The following PARP8 variants were observed in gnomAD, a reference collection of about 807,000 sequenced individuals.
The protein encoded by PARP8 is protein mono-ADP-ribosyltransferase PARP8.
A neutral mutation model predicts 124.1 loss-of-function variants in PARP8; 51 were observed. The ratio of observed to expected loss-of-function variants is 0.41; its 90% CI spans 0.33 to 0.52. The LOEUF (loss-of-function observed/expected upper bound fraction) is 0.52, where lower values mean the gene tolerates loss of function less well. Among genes scored for constraint, PARP8 ranks in the 20% least tolerant of loss-of-function variants. PARP8 has a pLI of 0.21. For synonymous variants in PARP8, 391 were observed against 361.5 expected, an observed-to-expected ratio of 1.08 and a Z score of -0.93; for missense variants, 860 against 1,018.9, an observed-to-expected ratio of 0.84 and a Z score of 2.12.
At chr5:50,696,046 T>A (rs1362427190) in intron 2 of PARP8, among the ~76,000 whole-genome samples, 2 of 152,198 alleles carry the variant, frequency 1.3e-5, no homozygotes, top group Non-Finnish European at 2.9e-5. Context: ...CATAATTTAA[T>A]GCTTATAAAG....
At position 50,828,376 on chromosome 5, in the gene PARP8, C is replaced by A. The variant is rs765342250; in HGVS notation, c.2155C>A (p.Arg719=). ...TGGTCTGGTTGTTGCTTCTAATACACGATTGCAGGTAGATTTTCTGAATGC... is the reference window on the plus strand; with the variant it reads ...TGGTCTGGTTGTTGCTTCTAATACAAGATTGCAGGTAGATTTTCTGAATGC... ...RNGLVVASNT[R]LQLHGAMYGS... is the part of the protein sequence containing the mutation. The change falls in exon 21 of 26, where the codon CGA becomes AGA. Residue 719 remains arginine, a synonymous_variant. Transcript: ENST00000281631. 6.2e-7 allele frequency: 1 copy of A among 1,611,758 alleles called. No homozygotes were observed. The highest frequency in any genetic ancestry group is 1.1e-5 in the South Asian group (1 of 91,014).
chr5:50,842,757 G>T lies in PARP8; in HGVS notation c.*689G>T, dbSNP rs1051610327. On this transcript the variant is annotated 3_prime_UTR_variant, in exon 26 of 26. Transcript: ENST00000281631. ...TTTAATGGAAAGAAGATAATATTTA[G>T]TAAGCAATAAATTTGGACATAAATC... is the stretch of plus-strand genomic sequence containing the variant. 14 of 151,590 alleles carry T rather than the reference G, an allele frequency of 9.2e-5. No homozygotes were observed. Among genetic ancestry groups the T allele is most frequent in the African/African-American group, 3.4e-4 (14 of 41,330 alleles). The allele number at this position is 151,590 out of a possible 1,614,324, so 9.4% of individuals were successfully genotyped here. A position where few individuals can be genotyped will look rare whatever the true frequency, so the allele number is the denominator to read the frequency against.
intron 21 of PARP8, among the ~76,000 whole-genome samples, chr5:50,829,633 C>G (rs1412626979): frequency 6.6e-6 from 1 of 152,038 alleles, no homozygotes; most frequent in Non-Finnish European, 1.5e-5. Flanking sequence ...AAAATAAAGG[C>G]CTACTAGTGT....
At chr5:50,689,606 A>G (rs1752270867) in intron 2 of PARP8, among the ~76,000 whole-genome samples, 1 of 152,214 alleles carries the variant, frequency 6.6e-6, no homozygotes, top group Non-Finnish European at 1.5e-5. Flanking sequence ...TTAGTCATGT[A>G]TACCTGACTG....
intron 2 of PARP8, among the ~76,000 whole-genome samples, chr5:50,710,656 A>T (rs1376124325): frequency 2.6e-5 from 4 of 152,068 alleles, no homozygotes; most frequent in Non-Finnish European, 5.9e-5. Flanking sequence ...AGAAATAAGG[A>T]TCAGCTTGTT....
intron 2 of PARP8, chr5:50,738,924 C>G (rs1420697459): frequency 1.4e-6 from 1 of 699,204 alleles, no homozygotes; most frequent in African/African-American, 1.8e-5. Context: ...TAGTTTACAT[C>G]AGGGCTCTGC....
intron 2 of PARP8, among the ~76,000 whole-genome samples, chr5:50,698,521 T>C (rs1753263923): frequency 6.6e-6 from 1 of 152,182 alleles, no homozygotes; most frequent in Non-Finnish European, 1.5e-5. Flanking sequence ...TATAAAGCCA[T>C]AACTTATACC....
At chr5:50,724,067 C>T (rs1160732012) in intron 2 of PARP8, among the ~76,000 whole-genome samples, 1 of 151,992 alleles carries the variant, frequency 6.6e-6, no homozygotes, top group Non-Finnish European at 1.5e-5. Context: ...AGTGGTCCAC[C>T]CTACTCGGCC....
intron 2 of PARP8, among the ~76,000 whole-genome samples, chr5:50,707,226 T>C (rs1754243940): frequency 6.6e-6 from 1 of 152,052 alleles, no homozygotes; most frequent in Non-Finnish European, 1.5e-5. Flanking sequence ...TTAGATACAG[T>C]ATATAATTCG....
chr5:50,713,751 C>T (rs1755019439), intron 2 of PARP8, among the ~76,000 whole-genome samples: 1 of 151,956 alleles, frequency 6.6e-6, no homozygotes, highest in South Asian at 2.1e-4. Context: ...AGCCCAGTGT[C>T]ATCACATGGA....
intron 2 of PARP8, among the ~76,000 whole-genome samples, chr5:50,705,774 T>TCCCAAAAAAGACACAA (rs1754079575): frequency 6.6e-6 from 1 of 152,000 alleles, no homozygotes; most frequent in Non-Finnish European, 1.5e-5. Context: ...CACAAGACTC[T>TCCCAAAAAAGACACAA]GTTTCCCAAA....
intron 2 of PARP8, among the ~76,000 whole-genome samples, chr5:50,712,433 A>G (rs1754858137): frequency 6.6e-6 from 1 of 152,134 alleles, no homozygotes; most frequent in South Asian, 2.1e-4. Flanking sequence ...AGCTTTTTAG[A>G]ATCTATTCAA....
Position 50,844,200 on chromosome 5 carries a change from A to G in PARP8, c.*2132A>G, listed in dbSNP as rs191569306. On this transcript the variant is annotated 3_prime_UTR_variant, in exon 26 of 26. Coordinates refer to ENST00000281631, the MANE Select transcript of PARP8 (RefSeq NM_024615.4). ...TATCTGAGGAAATTAAGTAGTTGATAGTTTAATGCTAGGCATCTTTTATGA... is the reference window on the plus strand; with the variant it reads ...TATCTGAGGAAATTAAGTAGTTGATGGTTTAATGCTAGGCATCTTTTATGA... The G allele has an allele frequency of 1.3e-5, 2 of 151,962 alleles. No homozygotes were observed. The highest frequency in any genetic ancestry group is 6.6e-5 in the Admixed American group (1 of 15,198). The allele number at this position is 151,962 out of a possible 1,614,324, so 9.4% of individuals were successfully genotyped here.
Position 50,842,427 on chromosome 5 carries a change from T to A in PARP8, c.*359T>A, listed in dbSNP as rs1748273548. 1 of 186,298 alleles carries A rather than the reference T, an allele frequency of 5.4e-6. No individual in the cohort carries two copies. 11.5% of individuals were successfully genotyped at this position (186,298 alleles called of 1,614,324 possible). ...GACATTTTAGGTTACCAAAATAGAA[T>A]TGAGAACATTTTATAATGGCATCTA... On this transcript the variant is annotated 3_prime_UTR_variant, in exon 26 of 26. Transcript: ENST00000281631.
intron 2 of PARP8, among the ~76,000 whole-genome samples, chr5:50,748,349 C>A (rs547398473): frequency 6.6e-6 from 1 of 151,942 alleles, no homozygotes; most frequent in African/African-American, 2.4e-5. Context: ...ACCATCCTAC[C>A]CCTCCCTGTT....
chr5:50,793,481 A>G lies in PARP8; in HGVS notation c.738-726A>G, dbSNP rs142441716. On this transcript the variant is annotated intron_variant, in intron 10 of 25. Transcript: ENST00000281631. ...TTGGCATTCCAGAATTCTTTACCAT[A>G]AAGCACTGATGGAGTGATTTTGACA... 6.7e-4 allele frequency among the ~76,000 whole-genome samples: 102 copies of G among 152,294 alleles called. 1 individual carries two copies. The highest frequency in any genetic ancestry group is 2.4e-3 in the African/African-American group (101 of 41,572).
At chr5:50,773,667 A>G (rs1761856113) in intron 7 of PARP8, among the ~76,000 whole-genome samples, 1 of 151,990 alleles carries the variant, frequency 6.6e-6, no homozygotes, top group Non-Finnish European at 1.5e-5. Flanking sequence ...GAATTTTAGA[A>G]TTCTTTTTCT....
intron 14 of PARP8, among the ~76,000 whole-genome samples, chr5:50,802,994 T>C (rs1456968948): frequency 6.6e-6 from 1 of 152,218 alleles, no homozygotes; most frequent in South Asian, 2.1e-4. Context: ...GTGGGAAATC[T>C]CTGCAAATGA....
intron 16 of PARP8, among the ~76,000 whole-genome samples, chr5:50,821,774 T>A (rs1289824994): frequency 6.6e-6 from 1 of 152,234 alleles, no homozygotes; most frequent in African/African-American, 2.4e-5. Flanking sequence ...CTATTACTAC[T>A]CAGCTTGAAA....
Sources: gnomAD v4.1 joint callset for allele counts (sites outside exome capture counted in the v4.1 genomes callset) on GRCh38, gnomAD v4.1.1 for gene constraint, MANE v1.5 for transcripts, NCBI Gene and HGNC (gene_info 2026-07-23, HGNC 2026-07-21) for gene names.